Variants in MBTD1 observed in about 807,000 individuals in gnomAD.
MBTD1 encodes mbt domain containing 1.
A neutral mutation model predicts 87.8 loss-of-function variants in MBTD1; 24 were observed. The ratio of observed to expected loss-of-function variants is 0.27; its 90% CI spans 0.20 to 0.38. The LOEUF (loss-of-function observed/expected upper bound fraction) is 0.38, where lower values mean the gene tolerates loss of function less well. Ranked by LOEUF, MBTD1 falls within the 10% of genes least tolerant of loss-of-function variation. The probability of loss-of-function intolerance (pLI) is 1.00; values close to 1 mark genes in which losing one functional copy is unlikely to be tolerated. For missense variants in MBTD1, 436 were observed against 760.2 expected, an observed-to-expected ratio of 0.57 and a Z score of 5.02; for synonymous variants, 237 against 248.6, an observed-to-expected ratio of 0.95 and a Z score of 0.44.
intron 12 of MBTD1, among the ~76,000 whole-genome samples, chr17:51,197,042 AT>A (rs2051156857): frequency 5.6e-3 from 1 of 178 alleles, no homozygotes; most frequent in African/African-American, 0.015. Flanking sequence ...TATATACAAG[AT>A]ATATATATAT....
intron 2 of MBTD1, among the ~76,000 whole-genome samples, chr17:51,227,564 C>T (rs1275153576): frequency 2.0e-5 from 3 of 151,696 alleles, no homozygotes; most frequent in East Asian, 1.9e-4. Flanking sequence ...CTGTCTCAAA[C>T]TCAAAACCAA....
rs1265779939 is a variant in MBTD1 at position 51,179,480 on chromosome 17, AATTTTATATAT to A, written c.*1085_*1095del. On this transcript the variant is annotated 3_prime_UTR_variant, in exon 17 of 17. Coordinates refer to ENST00000586178, the MANE Select transcript of MBTD1 (RefSeq NM_017643.3). ...ATAAATCCTGAATACAATTAAAGAC[AATTTTATATAT>A]ATATATATATATATATATATATATA... is the stretch of plus-strand genomic sequence containing the variant. 9.5e-5 allele frequency: 8 copies of A among 83,852 alleles called. No homozygotes were observed. Among genetic ancestry groups the A allele is most frequent in the African/African-American group, 4.4e-4 (8 of 18,174 alleles). 5.2% of individuals were successfully genotyped at this position (83,852 alleles called of 1,614,324 possible).
intron 16 of MBTD1, among the ~76,000 whole-genome samples, chr17:51,187,941 A>G (rs922038402): frequency 6.6e-6 from 1 of 152,194 alleles, no homozygotes; most frequent in African/African-American, 2.4e-5. Context: ...ATGACAGAAT[A>G]AACCGAGTAA....
At chr17:51,255,139 G>T (rs1384320965) in intron 2 of MBTD1, among the ~76,000 whole-genome samples, 1 of 152,118 alleles carries the variant, frequency 6.6e-6, no homozygotes, top group Admixed American at 6.5e-5. Flanking sequence ...AAATGAACTG[G>T]GTGTGGTGGC....
At chr17:51,242,368 A>G (rs1377695515) in intron 2 of MBTD1, among the ~76,000 whole-genome samples, 1 of 152,188 alleles carries the variant, frequency 6.6e-6, no homozygotes, top group South Asian at 2.1e-4. Context: ...AACAAAACCT[A>G]TCTACTCATT....
rs1389536155 is a variant in MBTD1, at chr17:51,178,214, CATTA to C, written c.*2358_*2361del. Reference sequence around the variant, plus strand: ...ATGGCTAAGACATAAATCTCCTCTGCATTAATTATTTTTCGGTTCGTCGGCAGTA... The same window carrying C: ...ATGGCTAAGACATAAATCTCCTCTGCATTATTTTTCGGTTCGTCGGCAGTA... On this transcript the variant is annotated 3_prime_UTR_variant, in exon 17 of 17. Coordinates refer to ENST00000586178, the MANE Select transcript of MBTD1 (RefSeq NM_017643.3). The C allele has an allele frequency of 6.6e-6, 1 of 152,126 alleles. No individual in the cohort carries two copies. Among genetic ancestry groups the C allele is most frequent in the Non-Finnish European group, 1.5e-5 (1 of 68,030 alleles). The allele number at this position is 152,126 out of a possible 1,614,324, so 9.4% of individuals were successfully genotyped here.
Position 51,180,630 on chromosome 17 carries a change from C to G in MBTD1, c.1833G>C (p.Ala611=), listed in dbSNP as rs370630316. ...CAGAGCCATTGCTTTCCTGATCAGACGCTCCTTGAAGGAAATTATAATCCT... is the reference window on the plus strand; with the variant it reads ...CAGAGCCATTGCTTTCCTGATCAGAGGCTCCTTGAAGGAAATTATAATCCT... ...DGEDYNFLQG[A]SDQESNGSAN... Residue 611 remains alanine, a synonymous_variant, in exon 17 of 17, where the codon GCG becomes GCC. Transcript: ENST00000586178. The G allele has an allele frequency of 1.3e-6, 2 of 1,551,724 alleles. No individual in the cohort carries two copies. The highest frequency in any genetic ancestry group is 2.0e-5 in the Admixed American group (1 of 50,972).
chr17:51,253,758 C>G (rs2054928675), intron 2 of MBTD1, among the ~76,000 whole-genome samples: 1 of 152,084 alleles, frequency 6.6e-6, no homozygotes, highest in Non-Finnish European at 1.5e-5. Flanking sequence ...TCACAAATCA[C>G]AACAGAACTT....
rs540002153 is a variant in MBTD1 at position 51,214,744 on chromosome 17, T to C, written c.486+2590A>G. Among the ~76,000 whole-genome samples, 6 of 152,198 alleles carry C rather than the reference T, an allele frequency of 3.9e-5. No homozygotes were observed. In the South Asian group the frequency reaches 1.2e-3, roughly 32 times the overall value. On this transcript the variant is annotated intron_variant, in intron 6 of 16. Coordinates refer to ENST00000586178, the MANE Select transcript of MBTD1 (RefSeq NM_017643.3). The stretch of plus-strand genomic sequence containing the variant: ...GAAAGGCTCCCGACTTGTACTCAAG[T>C]AGAAGAGAAGGCAGGTGTAGAGTCT...
chr17:51,238,822 G>A (rs1446972134), intron 2 of MBTD1, among the ~76,000 whole-genome samples: 2 of 152,260 alleles, frequency 1.3e-5, no homozygotes, highest in East Asian at 1.9e-4. Context: ...GAAGTGGGCC[G>A]GGTGTGGTGG....
intron 2 of MBTD1, among the ~76,000 whole-genome samples, chr17:51,243,603 A>G (rs1409798446): frequency 6.6e-6 from 1 of 152,198 alleles, no homozygotes. Flanking sequence ...CTGACTCAAT[A>G]TCTTTATAGC....
At chr17:51,225,819 C>T (rs973982027) in intron 2 of MBTD1, among the ~76,000 whole-genome samples, 8 of 151,624 alleles carry the variant, frequency 5.3e-5, no homozygotes, top group African/African-American at 1.9e-4. Context: ...CACTCTGTTG[C>T]CCAGGCTGGA....
intron 12 of MBTD1, among the ~76,000 whole-genome samples, chr17:51,200,696 TCTACA>T (rs2051428818): frequency 6.7e-6 from 1 of 150,334 alleles, no homozygotes; most frequent in African/African-American, 2.5e-5. Context: ...AAATCCCATC[TCTACA>T]AAATATACAA....
intron 3 of MBTD1, among the ~76,000 whole-genome samples, chr17:51,223,533 T>TCAA (rs890952409): frequency 4.0e-5 from 6 of 148,978 alleles, no homozygotes; most frequent in South Asian, 4.2e-4. Context: ...CAAGACTGTC[T>TCAA]CAACAACAAC....
intron 2 of MBTD1, among the ~76,000 whole-genome samples, chr17:51,236,735 T>C (rs113541300): frequency 1.1e-4 from 16 of 150,292 alleles, no homozygotes; most frequent in East Asian, 5.9e-4. Flanking sequence ...ATACGGTCAA[T>C]TGATTTTTGA....
chr17:51,182,179 C>T (rs548602010), intron 16 of MBTD1, among the ~76,000 whole-genome samples: 26 of 149,106 alleles, frequency 1.7e-4, no homozygotes, highest in Non-Finnish European at 3.3e-4. Flanking sequence ...GGCTGGAGTG[C>T]AGTGGCATGA....
intron 2 of MBTD1, among the ~76,000 whole-genome samples, chr17:51,252,658 C>T (rs905061706): frequency 4.0e-5 from 6 of 151,598 alleles, no homozygotes; most frequent in South Asian, 2.1e-4. Flanking sequence ...CACTTGAACC[C>T]GGGAGGCGAA....
intron 2 of MBTD1, among the ~76,000 whole-genome samples, chr17:51,227,518 G>T (rs2053299294): frequency 1.3e-5 from 2 of 151,612 alleles, no homozygotes; most frequent in South Asian, 4.2e-4. Flanking sequence ...CCACGATCGT[G>T]CCCCTGCACT....
chr17:51,194,133 A>G (rs1317045960), intron 13 of MBTD1, among the ~76,000 whole-genome samples: 1 of 152,216 alleles, frequency 6.6e-6, no homozygotes, highest in Non-Finnish European at 1.5e-5. Flanking sequence ...TCTTGCAAGG[A>G]AAGAAAACTG....
Sources: gnomAD v4.1 joint callset for allele counts (sites outside exome capture counted in the v4.1 genomes callset) on GRCh38, gnomAD v4.1.1 for gene constraint, MANE v1.5 for transcripts, NCBI Gene and HGNC (gene_info 2026-07-23, HGNC 2026-07-21) for gene names.